ZMYND11: variants seen among roughly 807,000 people sequenced by gnomAD.
The protein encoded by ZMYND11 is zinc finger MYND-type containing 11.
ZMYND11 carries 9 observed loss-of-function variants against 84.9 expected under a neutral mutation model. That is an observed-to-expected ratio of 0.11 (90% CI 0.06 to 0.18). The LOEUF is 0.18. Among genes scored for constraint, ZMYND11 ranks in the 10% least tolerant of loss-of-function variants. The pLI is 1.00. For synonymous variants in ZMYND11, 250 were observed against 244.1 expected (o/e 1.02, Z -0.23); for missense variants, 409 against 761.0 (o/e 0.54, Z 5.44).
chr10:148,473 G>T (rs117713103), intron 1 of ZMYND11: 1 of 152,214 alleles, frequency 6.6e-6, no homozygotes, highest in Non-Finnish European at 1.5e-5. Context: ...AGTCCTTGAG[G>T]TGTAAGACTC....
chr10:155,900 G>A (rs2131391765), intron 1 of ZMYND11, among the ~76,000 whole-genome samples: 1 of 152,300 alleles, frequency 6.6e-6, no homozygotes, highest in South Asian at 2.1e-4. Context: ...AGTTCTAAAA[G>A]GACAAGGGAA....
At chr10:134,854 A>C (rs1835504491), upstream of ZMYND11, 1 of 151,916 alleles carries the variant, frequency 6.6e-6, no homozygotes, top group South Asian at 2.1e-4. Context: ...TGCTCCAACA[A>C]ATTTCGGATA....
At chr10:151,194 C>T (rs150606733) in intron 1 of ZMYND11, among the ~76,000 whole-genome samples, 37 of 152,246 alleles carry the variant, frequency 2.4e-4, no homozygotes, top group African/African-American at 7.5e-4. Flanking sequence ...TCCTCACCAG[C>T]GACAGAACAA....
intron 1 of ZMYND11, among the ~76,000 whole-genome samples, chr10:149,904 T>C (rs1194436165): frequency 6.6e-6 from 1 of 152,144 alleles, no homozygotes; most frequent in Non-Finnish European, 1.5e-5. Flanking sequence ...GTTTATATGC[T>C]GGATTACGTT....
chr10:157,303 G>A (rs1421219077), intron 1 of ZMYND11, among the ~76,000 whole-genome samples: 1 of 152,054 alleles, frequency 6.6e-6, no homozygotes, highest in Non-Finnish European at 1.5e-5. Context: ...AGGTTCAAGC[G>A]ATTCTCCTGC....
chr10:225,777 G>A (rs1470526807), intron 4 of ZMYND11, among the ~76,000 whole-genome samples: 1 of 152,240 alleles, frequency 6.6e-6, no homozygotes. Context: ...CTCCATGCTT[G>A]CTGGCTTGCA....
At chr10:232,403 C>A (rs1034369887) in intron 4 of ZMYND11, among the ~76,000 whole-genome samples, 39 of 152,192 alleles carry the variant, frequency 2.6e-4, no homozygotes, top group Admixed American at 2.4e-3. Flanking sequence ...GGAAAGAAAA[C>A]CCTCAAGTTT....
At chr10:192,035 A>T (rs1019589708) in intron 2 of ZMYND11, among the ~76,000 whole-genome samples, 1 of 152,212 alleles carries the variant, frequency 6.6e-6, no homozygotes, top group Non-Finnish European at 1.5e-5. Context: ...TACTTCATAG[A>T]TATGCAAATC....
chr10:164,120 A>G (rs1363377181), intron 1 of ZMYND11, among the ~76,000 whole-genome samples: 1 of 152,136 alleles, frequency 6.6e-6, no homozygotes, highest in Non-Finnish European at 1.5e-5. Flanking sequence ...TATTGCTGTC[A>G]TATTGCAATC....
At chr10:138,465 T>A (rs1306700080) in intron 1 of ZMYND11, among the ~76,000 whole-genome samples, 1 of 152,198 alleles carries the variant, frequency 6.6e-6, no homozygotes, top group Non-Finnish European at 1.5e-5. Flanking sequence ...GAATGACATA[T>A]GTTTATTTGG....
At chr10:229,313 C>G (rs536676847) in intron 4 of ZMYND11, among the ~76,000 whole-genome samples, 38 of 152,288 alleles carry the variant, frequency 2.5e-4, no homozygotes, top group African/African-American at 8.9e-4. Flanking sequence ...CCAGGATGTT[C>G]TAAGAATCCA....
rs75489698 is a variant in ZMYND11 at position 142,046 on chromosome 10, G to A, written c.-20+6487G>A. On this transcript the variant is annotated intron_variant, in intron 1 of 14. Transcript: ENST00000381604. ...GTCGCTTTATGAGTCTACTTTGTAAGCAGTTTTTAGGAAGCTGGGTTTAAT... is the reference window on the plus strand; with the variant it reads ...GTCGCTTTATGAGTCTACTTTGTAAACAGTTTTTAGGAAGCTGGGTTTAAT... Among the ~76,000 whole-genome samples the A allele has an allele frequency of 2.1e-3, 322 of 152,306 alleles. 3 individuals are homozygous for A. The highest frequency in any genetic ancestry group is 7.6e-3 in the African/African-American group (316 of 41,568).
intron 1 of ZMYND11, among the ~76,000 whole-genome samples, chr10:153,780 A>G (rs1840987714): frequency 6.6e-6 from 1 of 152,234 alleles, no homozygotes; most frequent in Admixed American, 6.5e-5. Flanking sequence ...CATTTGCATT[A>G]GATGGGTTTA....
intron 14 of ZMYND11, among the ~76,000 whole-genome samples, chr10:251,293 G>A (rs1953434436): frequency 6.6e-6 from 1 of 152,186 alleles, no homozygotes; most frequent in Non-Finnish European, 1.5e-5. Context: ...CACATGACCA[G>A]TGGGTGGCAC....
Position 221,265 on chromosome 10 carries a change from A to G in ZMYND11, c.347A>G (p.Asp116Gly). ...TTGCCTGGAGAGGTGTTGATATGTG[A>G]CCTGTGTTTTCGTGTGTATCATTCC... ...CHLPGEVLIC[D>G]LCFRVYHSKC... is the part of the protein sequence containing the mutation. Residue 116 changes from aspartate (D) to glycine (G), a missense_variant, in exon 4 of 15, where the codon GAC (aspartate) becomes GGC (glycine). Coordinates refer to ENST00000381604, the MANE Select transcript of ZMYND11 (RefSeq NM_001370100.5). 6.2e-7 allele frequency: 1 copy of G among 1,613,910 alleles called. No individual in the cohort carries two copies.
Position 241,880 on chromosome 10 carries a change from A to AAAAAATCTCGTATGTGTTTAGGAGTTATG in ZMYND11, c.832-137_832-109dup, listed in dbSNP as rs1384667776. The AAAAAATCTCGTATGTGTTTAGGAGTTATG allele has an allele frequency of 7.5e-6, 8 of 1,069,858 alleles. No individual in the cohort carries two copies. In the East Asian group the frequency reaches 2.0e-4, roughly 27 times the overall value. 66.3% of individuals were successfully genotyped at this position (1,069,858 alleles called of 1,614,324 possible). ...AATATAAAATCAGTCAATCCCAGAA[A>AAAAAATCTCGTATGTGTTTAGGAGTTATG]AAAAATCTCGTATGTGTTTAGGAGT... On this transcript the variant is annotated intron_variant, in intron 9 of 14. Coordinates refer to ENST00000381604, the MANE Select transcript of ZMYND11 (RefSeq NM_001370100.5).
chr10:150,073 C>CT (rs1407732811), intron 1 of ZMYND11, among the ~76,000 whole-genome samples: 17 of 152,074 alleles, frequency 1.1e-4, no homozygotes, highest in Non-Finnish European at 7.4e-5. Flanking sequence ...CTAAAATTCT[C>CT]TTTTTTTGTT....
chr10:237,975 A>C (rs1950254018), intron 6 of ZMYND11, among the ~76,000 whole-genome samples: 1 of 152,362 alleles, frequency 6.6e-6, no homozygotes, highest in South Asian at 2.1e-4. Flanking sequence ...CAGCCTGGGC[A>C]ATTTAGCATT....
upstream of ZMYND11, among the ~76,000 whole-genome samples, chr10:132,520 A>G (rs368304130): frequency 3.3e-5 from 5 of 152,158 alleles, no homozygotes; most frequent in Non-Finnish European, 4.4e-5. Flanking sequence ...CGCAGCAGGA[A>G]GCGGCTCTGG....
Sources: allele counts gnomAD v4.1 joint callset (sites outside exome capture counted in the v4.1 genomes callset), GRCh38; gene constraint gnomAD v4.1.1; transcripts MANE v1.5; gene names NCBI Gene and HGNC (gene_info 2026-07-23, HGNC 2026-07-21).